NTNG1: variants seen among roughly 807,000 people sequenced by gnomAD.
NTNG1 encodes netrin G1, also known as netrin-G1.
NTNG1 carries 16 observed loss-of-function variants against 54.0 expected under a neutral mutation model. The ratio of observed to expected loss-of-function variants is 0.30; its 90% CI spans 0.20 to 0.45. The LOEUF (loss-of-function observed/expected upper bound fraction) is 0.45. Among genes scored for constraint, NTNG1 ranks in the 20% least tolerant of loss-of-function variants. NTNG1 has a pLI of 1.00. For missense variants in NTNG1, 530 were observed against 678.7 expected (o/e 0.78, Z 2.43); for synonymous variants, 255 against 263.1 (o/e 0.97, Z 0.30).
At chr1:107,404,329 A>T (rs1673262686) in intron 4 of NTNG1, among the ~76,000 whole-genome samples, 1 of 152,136 alleles carries the variant, frequency 6.6e-6, no homozygotes, top group Non-Finnish European at 1.5e-5. Context: ...GCTGAGCATC[A>T]AACTGAGCTC....
chr1:107,364,861 T>TGAG, intron 3 of NTNG1, among the ~76,000 whole-genome samples: 1 of 152,338 alleles, frequency 6.6e-6, no homozygotes. Flanking sequence ...CTATCTCATA[T>TGAG]GCACATAATT....
At chr1:107,180,781 A>G (rs1039090717) in intron 2 of NTNG1, among the ~76,000 whole-genome samples, 22 of 151,972 alleles carry the variant, frequency 1.4e-4, no homozygotes, top group Admixed American at 6.6e-4. Flanking sequence ...AAACTAAAAC[A>G]TAATAATTGC....
intron 2 of NTNG1, among the ~76,000 whole-genome samples, chr1:107,283,799 C>T (rs555859286): frequency 7.0e-4 from 107 of 152,304 alleles, no homozygotes; most frequent in Admixed American, 1.7e-3. Context: ...AGAACTGCTG[C>T]CTGATCATTA....
chr1:107,214,723 G>A (rs941791005), intron 2 of NTNG1, among the ~76,000 whole-genome samples: 1 of 151,704 alleles, frequency 6.6e-6, no homozygotes, highest in Non-Finnish European at 1.5e-5. Flanking sequence ...TTGTCATAGT[G>A]GTTGTACTAG....
intron 2 of NTNG1, among the ~76,000 whole-genome samples, chr1:107,309,592 C>T (rs978094910): frequency 3.3e-5 from 5 of 152,144 alleles, no homozygotes; most frequent in African/African-American, 1.2e-4. Flanking sequence ...TTTGTATGCC[C>T]ACTACTGGCA....
At chr1:107,237,195 G>A (rs1395146730) in intron 2 of NTNG1, among the ~76,000 whole-genome samples, 2 of 152,150 alleles carry the variant, frequency 1.3e-5, no homozygotes, top group Non-Finnish European at 2.9e-5. Flanking sequence ...GAGCAAAGGT[G>A]ACTCTTGTTA....
At chr1:107,407,742 C>G (rs770895718) in intron 5 of NTNG1, 34 bp downstream of exon 5, 12 of 1,578,868 alleles carry the variant, frequency 7.6e-6, no homozygotes, top group Middle Eastern at 3.3e-4. Context: ...AAACACCAAA[C>G]CAAGTCTAGG....
chr1:107,282,006 G>C (rs953491807), intron 2 of NTNG1, among the ~76,000 whole-genome samples: 1 of 152,124 alleles, frequency 6.6e-6, no homozygotes. Flanking sequence ...GGCAGAGAAG[G>C]CATTGAATAA....
intron 7 of NTNG1, among the ~76,000 whole-genome samples, chr1:107,442,806 A>ATGAAACAGAGT: frequency 6.6e-6 from 1 of 151,930 alleles, no homozygotes; most frequent in East Asian, 1.9e-4. Flanking sequence ...GTTTTTTCAT[A>ATGAAACAGAGT]TGAAGCAGCT....
chr1:107,476,602 T>C (rs1678348315), intron 7 of NTNG1, among the ~76,000 whole-genome samples: 1 of 152,190 alleles, frequency 6.6e-6, no homozygotes, highest in African/African-American at 2.4e-5. Flanking sequence ...CTCTCTCTTA[T>C]CCATTCACAT....
intron 2 of NTNG1, among the ~76,000 whole-genome samples, chr1:107,275,393 A>AAAAT (rs1416042494): frequency 1.1e-4 from 17 of 152,022 alleles, no homozygotes; most frequent in East Asian, 1.9e-4. Flanking sequence ...TAAATAAATA[A>AAAAT]AAATAAATAA....
At position 107,435,706 on chromosome 1, in the gene NTNG1, T is replaced by G. The variant is rs562328002; in HGVS notation, c.1256-959T>G. On this transcript the variant is annotated intron_variant, in intron 6 of 7. Coordinates refer to ENST00000370068, the MANE Select transcript of NTNG1 (RefSeq NM_001113226.3). ...TTTATTTGGTTTTTCATGAGGGAAC[T>G]GCTTAATGTACCCATTTTTAAATAA... Among the ~76,000 whole-genome samples, 12 of 152,262 alleles carry G rather than the reference T, an allele frequency of 7.9e-5. No individual in the cohort carries two copies. The South Asian group carries it at 1.7e-3, about 21-fold the overall frequency.
intron 3 of NTNG1, among the ~76,000 whole-genome samples, chr1:107,344,646 G>A (rs897034259): frequency 2.0e-5 from 3 of 152,108 alleles, no homozygotes; most frequent in African/African-American, 7.2e-5. Flanking sequence ...TGTTGTATTT[G>A]TGAGGTTTGG....
chr1:107,174,652 A>T (rs1489184140), intron 2 of NTNG1, among the ~76,000 whole-genome samples: 1 of 151,956 alleles, frequency 6.6e-6, no homozygotes, highest in African/African-American at 2.4e-5. Context: ...TAGAGCAAGG[A>T]TCTCATTCCC....
At chr1:107,211,523 G>A (rs537070759) in intron 2 of NTNG1, among the ~76,000 whole-genome samples, 59 of 152,146 alleles carry the variant, frequency 3.9e-4, no homozygotes, top group African/African-American at 1.3e-3. Context: ...ATTTTTGCAG[G>A]GAAGAGGATT....
chr1:107,332,285 A>G (rs1668327540), intron 3 of NTNG1, among the ~76,000 whole-genome samples: 1 of 151,910 alleles, frequency 6.6e-6, no homozygotes, highest in Non-Finnish European at 1.5e-5. Context: ...TTGTCTCTTT[A>G]TCCTTAATTC....
intron 7 of NTNG1, among the ~76,000 whole-genome samples, chr1:107,450,411 A>C (rs1270115311): frequency 1.3e-5 from 2 of 152,146 alleles, no homozygotes. Flanking sequence ...TGTTTAACCC[A>C]GTTTCTGTCA....
chr1:107,153,363 T>A (rs988388867), intron 2 of NTNG1, among the ~76,000 whole-genome samples: 1 of 152,204 alleles, frequency 6.6e-6, no homozygotes, highest in South Asian at 2.1e-4. Context: ...AAACTGGAAA[T>A]GACATTGATT....
intron 7 of NTNG1, among the ~76,000 whole-genome samples, chr1:107,469,113 A>AAAC (rs1558022810): frequency 6.6e-6 from 1 of 151,732 alleles, no homozygotes; most frequent in African/African-American, 2.4e-5. Context: ...AAAAAAAAAA[A>AAAC]AACAACGAAA....
Sources: gnomAD v4.1 joint callset for allele counts (sites outside exome capture counted in the v4.1 genomes callset) on GRCh38, gnomAD v4.1.1 for gene constraint, MANE v1.5 for transcripts, NCBI Gene and HGNC (gene_info 2026-07-23, HGNC 2026-07-21) for gene names.